Variants in DEPDC1B observed in about 807,000 individuals in gnomAD.
DEPDC1B encodes the protein DEP domain-containing protein 1B.
A neutral mutation model predicts 66.5 loss-of-function variants in DEPDC1B; 51 were observed. The ratio of observed to expected loss-of-function variants is 0.77; its 90% CI spans 0.61 to 0.97. The LOEUF is 0.97. Ranked by LOEUF, DEPDC1B falls within the 50% of genes least tolerant of loss-of-function variation. The pLI is 0.00. For missense variants in DEPDC1B, 552 were observed against 637.1 expected, an observed-to-expected ratio of 0.87 and a Z score of 1.44; for synonymous variants, 226 against 223.6, an observed-to-expected ratio of 1.01 and a Z score of -0.10.
chr5:60,616,898 T>A (rs554000813), intron 7 of DEPDC1B, among the ~76,000 whole-genome samples: 1 of 152,152 alleles, frequency 6.6e-6, no homozygotes, highest in Non-Finnish European at 1.5e-5. Context: ...AAAGGTCAGG[T>A]TACCCACAAA....
chr5:60,608,747 T>G (rs567867198), intron 7 of DEPDC1B, among the ~76,000 whole-genome samples: 69 of 152,234 alleles, frequency 4.5e-4, no homozygotes, highest in African/African-American at 1.5e-3. Context: ...TTTCAAAAAA[T>G]TATTACTAAA....
chr5:60,637,483 G>T (rs1039964156), intron 7 of DEPDC1B, among the ~76,000 whole-genome samples: 2 of 152,220 alleles, frequency 1.3e-5, no homozygotes, highest in African/African-American at 4.8e-5. Context: ...GCAGAACCAT[G>T]AGCCAATTAA....
intron 2 of DEPDC1B, among the ~76,000 whole-genome samples, chr5:60,660,151 A>AGG (rs1561379884): frequency 6.6e-6 from 1 of 151,686 alleles, no homozygotes; most frequent in Non-Finnish European, 1.5e-5. Context: ...GATAGAGAGG[A>AGG]GGAGAGAGAG....
chr5:60,679,994 T>C (rs960446230), intron 2 of DEPDC1B, among the ~76,000 whole-genome samples: 1 of 152,230 alleles, frequency 6.6e-6, no homozygotes, highest in Non-Finnish European at 1.5e-5. Flanking sequence ...GGATTAAATA[T>C]GTACCCTGTC....
chr5:60,675,581 A>C (rs1310179993), intron 2 of DEPDC1B, among the ~76,000 whole-genome samples: 2 of 152,262 alleles, frequency 1.3e-5, no homozygotes, highest in Non-Finnish European at 2.9e-5. Context: ...GTAACTAGCA[A>C]TTTCAGATTA....
At chr5:60,614,088 T>C (rs1206480474) in intron 7 of DEPDC1B, among the ~76,000 whole-genome samples, 1 of 152,182 alleles carries the variant, frequency 6.6e-6, no homozygotes, top group African/African-American at 2.4e-5. Context: ...TTCCTTCCTT[T>C]CTCTTTCACT....
Position 60,700,157 on chromosome 5 carries a change from A to C in DEPDC1B, c.-64T>G. On this transcript the variant is annotated 5_prime_UTR_variant, in exon 1 of 11. Coordinates refer to ENST00000265036, the MANE Select transcript of DEPDC1B (RefSeq NM_018369.3). ...GATCCCCGCCAGCCGGAGGAGCAGC[A>C]GTTTGAATCCCAAGCCCGCGGGCTG... 6.6e-7 allele frequency: 1 copy of C among 1,506,804 alleles called. No homozygotes were observed. The highest frequency in any genetic ancestry group is 8.8e-7 in the Non-Finnish European group (1 of 1,130,686). 93.3% of individuals were successfully genotyped at this position (1,506,804 alleles called of 1,614,324 possible). A position where few individuals can be genotyped will look rare whatever the true frequency, so the allele number is the denominator to read the frequency against.
intron 7 of DEPDC1B, among the ~76,000 whole-genome samples, chr5:60,623,598 T>G (rs761148817): frequency 2.6e-5 from 4 of 152,276 alleles, no homozygotes; most frequent in Middle Eastern, 6.8e-3. Context: ...CATGTATCAA[T>G]TTTGGAAGAA....
At chr5:60,679,115 G>T (rs928890674) in intron 2 of DEPDC1B, among the ~76,000 whole-genome samples, 15 of 152,182 alleles carry the variant, frequency 9.9e-5, no homozygotes, top group Admixed American at 8.5e-4. Flanking sequence ...ATGCATGGAT[G>T]GATGCCCAAT....
chr5:60,619,283 T>G (rs367975901), intron 7 of DEPDC1B, among the ~76,000 whole-genome samples: 15 of 152,146 alleles, frequency 9.9e-5, no homozygotes, highest in African/African-American at 3.1e-4. Context: ...TGGAAGTTCT[T>G]GCCAAGGCAA....
chr5:60,656,288 G>A (rs575258863), intron 2 of DEPDC1B, among the ~76,000 whole-genome samples: 85 of 151,722 alleles, frequency 5.6e-4, no homozygotes, highest in African/African-American at 1.9e-3. Flanking sequence ...AGCCTCCCGA[G>A]TAGCTGAGAC....
At chr5:60,623,529 T>C (rs1752752444) in intron 7 of DEPDC1B, among the ~76,000 whole-genome samples, 1 of 152,186 alleles carries the variant, frequency 6.6e-6, no homozygotes, top group African/African-American at 2.4e-5. Flanking sequence ...AAATAAATTT[T>C]ACAAAATGCT....
intron 9 of DEPDC1B, among the ~76,000 whole-genome samples, chr5:60,602,850 T>A (rs901006209): frequency 6.6e-6 from 1 of 152,190 alleles, no homozygotes; most frequent in Non-Finnish European, 1.5e-5. Flanking sequence ...AGGATACAGC[T>A]AGGAATTTGG....
intron 7 of DEPDC1B, among the ~76,000 whole-genome samples, chr5:60,610,555 C>A (rs1190557578): frequency 6.6e-6 from 1 of 152,206 alleles, no homozygotes; most frequent in Non-Finnish European, 1.5e-5. Flanking sequence ...AATGTCCCAA[C>A]ACAAGCATAT....
intron 2 of DEPDC1B, among the ~76,000 whole-genome samples, chr5:60,667,501 T>C (rs1753873257): frequency 6.8e-6 from 1 of 146,434 alleles, no homozygotes; most frequent in African/African-American, 2.5e-5. Flanking sequence ...AAAATGGATA[T>C]TTTACATATA....
At chr5:60,693,253 G>C (rs1035508669) in intron 1 of DEPDC1B, among the ~76,000 whole-genome samples, 2 of 152,166 alleles carry the variant, frequency 1.3e-5, no homozygotes, top group Non-Finnish European at 2.9e-5. Context: ...TGAACTGGTT[G>C]GTTGGGGTGG....
intron 7 of DEPDC1B, among the ~76,000 whole-genome samples, chr5:60,620,458 C>A (rs1213899662): frequency 6.6e-6 from 1 of 152,138 alleles, no homozygotes; most frequent in Non-Finnish European, 1.5e-5. Context: ...AAACAAACAA[C>A]CCCATCAACA....
chr5:60,647,707 AAAAG>A (rs1753355208), intron 2 of DEPDC1B, 174 bp from the exon 3 acceptor site: 5 of 525,210 alleles, frequency 9.5e-6, no homozygotes, highest in Admixed American at 4.3e-5. Flanking sequence ...CCTGATAAAG[AAAAG>A]AAAGGTGATT....
At chr5:60,635,790 C>A (rs1224513856) in intron 7 of DEPDC1B, among the ~76,000 whole-genome samples, 1 of 152,102 alleles carries the variant, frequency 6.6e-6, no homozygotes. Context: ...TTTAAAAAAA[C>A]AGAAATATGA....
Sources: allele counts gnomAD v4.1 joint callset (sites outside exome capture counted in the v4.1 genomes callset), GRCh38; gene constraint gnomAD v4.1.1; transcripts MANE v1.5; gene names NCBI Gene and HGNC (gene_info 2026-07-23, HGNC 2026-07-21).